ZBTB7C: variants seen among roughly 807,000 people sequenced by gnomAD.
The protein encoded by ZBTB7C is zinc finger and BTB domain-containing protein 7C.
A neutral mutation model predicts 25.7 loss-of-function variants in ZBTB7C; 8 were observed. The observed-to-expected ratio is 0.31, with a 90% CI of 0.18 to 0.56. ZBTB7C has a LOEUF of 0.56. Among genes scored for constraint, ZBTB7C ranks in the 20% least tolerant of loss-of-function variants. The pLI is 0.91. For missense variants in ZBTB7C, 824 were observed against 855.2 expected (o/e 0.96, Z 0.46); for synonymous variants, 394 against 369.0 (o/e 1.07, Z -0.78).
intron 2 of ZBTB7C, among the ~76,000 whole-genome samples, chr18:48,298,767 C>T (rs1168263891): frequency 1.3e-5 from 2 of 152,206 alleles, no homozygotes; most frequent in Non-Finnish European, 2.9e-5. Flanking sequence ...GCTCTGGCCC[C>T]TTTCTCTGCT....
chr18:48,364,265 A>T (rs1164556324), intron 1 of ZBTB7C: 2 of 152,298 alleles, frequency 1.3e-5, no homozygotes, highest in African/African-American at 2.4e-5. Flanking sequence ...GAGAGCTGAC[A>T]GTCCAATAAA....
chr18:48,401,813 G>A (rs918049348), intron 1 of ZBTB7C, among the ~76,000 whole-genome samples: 3 of 152,194 alleles, frequency 2.0e-5, no homozygotes, highest in African/African-American at 7.2e-5. Flanking sequence ...AGGGAGTTAA[G>A]TGCTCCTAGC....
At chr18:48,228,743 T>TCACACA (rs34427342) in intron 2 of ZBTB7C, among the ~76,000 whole-genome samples, 9,460 of 135,596 alleles carry the variant, frequency 0.07, 433 homozygotes, top group Non-Finnish European at 0.1. Flanking sequence ...TCTCTCTCTC[T>TCACACA]CTCTCACACA....
chr18:48,277,098 T>C (rs1201079389), intron 2 of ZBTB7C, among the ~76,000 whole-genome samples: 15 of 148,858 alleles, frequency 1.0e-4, no homozygotes, highest in South Asian at 8.7e-4. Context: ...AAGGACTTCA[T>C]GTCCAAAACA....
intron 1 of ZBTB7C, among the ~76,000 whole-genome samples, chr18:48,342,381 C>T (rs2046623669): frequency 6.6e-6 from 1 of 152,224 alleles, no homozygotes; most frequent in African/African-American, 2.4e-5. Flanking sequence ...CCTTCTCTGC[C>T]ACAGGAGACC....
chr18:48,123,215 G>A (rs1469294854), intron 3 of ZBTB7C, among the ~76,000 whole-genome samples: 2 of 152,184 alleles, frequency 1.3e-5, no homozygotes, highest in Non-Finnish European at 2.9e-5. Flanking sequence ...GACAGAGAAA[G>A]CAATATAGGA....
chr18:48,205,161 G>T (rs1415419516), intron 2 of ZBTB7C, among the ~76,000 whole-genome samples: 1 of 152,064 alleles, frequency 6.6e-6, no homozygotes, highest in Non-Finnish European at 1.5e-5. Flanking sequence ...TGCAGAAGGG[G>T]TTAGAGGACA....
At chr18:48,188,212 C>T (rs1599063235) in intron 2 of ZBTB7C, among the ~76,000 whole-genome samples, 1 of 152,136 alleles carries the variant, frequency 6.6e-6, no homozygotes, top group Non-Finnish European at 1.5e-5. Flanking sequence ...AGTCTATTCT[C>T]ATACTGATAA....
At chr18:48,088,956 G>A (rs1427583617) in intron 3 of ZBTB7C, among the ~76,000 whole-genome samples, 1 of 152,178 alleles carries the variant, frequency 6.6e-6, no homozygotes, top group Non-Finnish European at 1.5e-5. Flanking sequence ...GTAGGCAATG[G>A]GCAGCCACTA....
chr18:48,115,877 T>C (rs2039421036), intron 3 of ZBTB7C, among the ~76,000 whole-genome samples: 1 of 151,896 alleles, frequency 6.6e-6, no homozygotes, highest in African/African-American at 2.4e-5. Flanking sequence ...TTCAGGATAG[T>C]GACAGCTCTG....
At chr18:48,055,838 T>A (rs910882681) in intron 3 of ZBTB7C, among the ~76,000 whole-genome samples, 1 of 152,170 alleles carries the variant, frequency 6.6e-6, no homozygotes, top group Non-Finnish European at 1.5e-5. Flanking sequence ...CAGACCATCA[T>A]AAATTTACAG....
At chr18:48,270,046 A>G (rs557255049) in intron 2 of ZBTB7C, among the ~76,000 whole-genome samples, 24 of 152,318 alleles carry the variant, frequency 1.6e-4, no homozygotes, top group African/African-American at 4.8e-4. Flanking sequence ...TAATGACAAG[A>G]TAACTGATGT....
At chr18:48,409,070 C>A (rs2048348115) in intron 1 of ZBTB7C, among the ~76,000 whole-genome samples, 156 bp downstream of exon 1, 1 of 151,428 alleles carries the variant, frequency 6.6e-6, no homozygotes, top group Non-Finnish European at 1.5e-5. Flanking sequence ...CCGCCGGCCT[C>A]CTAGCAACGG....
At chr18:48,140,765 C>T (rs953452097) in intron 3 of ZBTB7C, among the ~76,000 whole-genome samples, 1 of 152,150 alleles carries the variant, frequency 6.6e-6, no homozygotes, top group African/African-American at 2.4e-5. Flanking sequence ...CTCAGCGCCA[C>T]GCTTGCTGCC....
At chr18:48,096,384 G>A (rs977392600) in intron 3 of ZBTB7C, among the ~76,000 whole-genome samples, 1 of 152,144 alleles carries the variant, frequency 6.6e-6, no homozygotes, top group Non-Finnish European at 1.5e-5. Flanking sequence ...CGCTTTCTGG[G>A]CAGGGCACTT....
At chr18:48,076,936 C>G (rs938547878) in intron 3 of ZBTB7C, 1 of 985,156 alleles carries the variant, frequency 1.0e-6, no homozygotes, top group East Asian at 1.1e-4. Flanking sequence ...AAGTACTAAC[C>G]TGGCTTTAAC....
At chr18:48,278,021 T>C (rs570664306) in intron 2 of ZBTB7C, among the ~76,000 whole-genome samples, 3 of 152,178 alleles carry the variant, frequency 2.0e-5, no homozygotes, top group South Asian at 2.1e-4. Flanking sequence ...TTTCCTGTGA[T>C]AGACTATTTC....
intron 2 of ZBTB7C, among the ~76,000 whole-genome samples, chr18:48,320,235 G>T (rs990880105): frequency 3.9e-5 from 6 of 152,174 alleles, no homozygotes; most frequent in African/African-American, 1.4e-4. Context: ...GCAAGAATGC[G>T]CTAGCACAGG....
At chr18:48,039,376 G>T (rs1396535762) in intron 4 of ZBTB7C, among the ~76,000 whole-genome samples, 1 of 152,182 alleles carries the variant, frequency 6.6e-6, no homozygotes, top group Non-Finnish European at 1.5e-5. Flanking sequence ...TAGCCACTGG[G>T]AGATGTGTCA....
Sources: allele counts gnomAD v4.1 joint callset (sites outside exome capture counted in the v4.1 genomes callset), GRCh38; gene constraint gnomAD v4.1.1; transcripts MANE v1.5; gene names NCBI Gene and HGNC (gene_info 2026-07-23, HGNC 2026-07-21).